Variants in ASAP1 observed in about 807,000 individuals in gnomAD.
The protein encoded by ASAP1 is ArfGAP with SH3 domain, ankyrin repeat and PH domain 1.
A neutral mutation model predicts 145.2 loss-of-function variants in ASAP1; 43 were observed. That is an observed-to-expected ratio of 0.30 (90% CI 0.23 to 0.38). The LOEUF is 0.38. ASAP1 is among the 10% of genes least tolerant of loss of function. The pLI is 1.00. For synonymous variants in ASAP1, 546 were observed against 515.5 expected, an observed-to-expected ratio of 1.06 and a Z score of -0.80; for missense variants, 1,018 against 1,355.3, an observed-to-expected ratio of 0.75 and a Z score of 3.91.
chr8:130,072,822 T>TGTGC (rs2097450657), intron 27 of ASAP1, among the ~76,000 whole-genome samples: 1 of 26,034 alleles, frequency 3.8e-5, no homozygotes, highest in African/African-American at 1.4e-4. Flanking sequence ...TGTGTGTGTG[T>TGTGC]GTGCGCGCGG....
At chr8:130,433,283 C>A (rs1830200388) in intron 1 of ASAP1, among the ~76,000 whole-genome samples, 1 of 152,146 alleles carries the variant, frequency 6.6e-6, no homozygotes, top group South Asian at 2.1e-4. Context: ...TTCCTTAGAC[C>A]TCCCCAAAAA....
intron 1 of ASAP1, among the ~76,000 whole-genome samples, chr8:130,423,013 G>A (rs1419558760): frequency 6.6e-6 from 1 of 152,216 alleles, no homozygotes; most frequent in Non-Finnish European, 1.5e-5. Flanking sequence ...GTCAGGTCTA[G>A]AATCCAAGTC....
intron 21 of ASAP1, 55 bp downstream of exon 21, chr8:130,116,825 T>G (rs199708236): frequency 1.3e-6 from 2 of 1,576,476 alleles, no homozygotes; most frequent in South Asian, 2.2e-5. Context: ...CAAATTACAA[T>G]GTACCATGCA....
At chr8:130,283,574 T>G (rs1586750646) in intron 3 of ASAP1, among the ~76,000 whole-genome samples, 1 of 78,534 alleles carries the variant, frequency 1.3e-5, no homozygotes, top group South Asian at 5.0e-4. Flanking sequence ...AGAACAAGAC[T>G]CCATCACAGA....
intron 1 of ASAP1, among the ~76,000 whole-genome samples, chr8:130,420,827 A>C (rs1187861517): frequency 6.6e-6 from 1 of 151,418 alleles, no homozygotes; most frequent in Non-Finnish European, 1.5e-5. Context: ...CGGGAGGCAG[A>C]GGTTGCAGTG....
chr8:130,273,252 A>G (rs1365131671), intron 3 of ASAP1, among the ~76,000 whole-genome samples: 1 of 152,196 alleles, frequency 6.6e-6, no homozygotes, highest in Non-Finnish European at 1.5e-5. Flanking sequence ...ATCATTTCTT[A>G]TCTTAAATCT....
chr8:130,089,128 G>T (rs2097500249), intron 25 of ASAP1, among the ~76,000 whole-genome samples: 1 of 152,158 alleles, frequency 6.6e-6, no homozygotes, highest in Non-Finnish European at 1.5e-5. Context: ...AAAAGGGTGG[G>T]GAGTGGGGAG....
chr8:130,080,456 T>A (rs1030517222), intron 25 of ASAP1, among the ~76,000 whole-genome samples: 1 of 149,908 alleles, frequency 6.7e-6, no homozygotes, highest in African/African-American at 2.4e-5. Flanking sequence ...AGGCACTTAC[T>A]GACTCGTCAT....
chr8:130,338,047 T>A (rs1463940572), intron 3 of ASAP1, among the ~76,000 whole-genome samples: 2 of 152,188 alleles, frequency 1.3e-5, no homozygotes, highest in Non-Finnish European at 2.9e-5. Flanking sequence ...CTCAGAGTGG[T>A]GAAGTGGCTT....
chr8:130,358,323 G>A lies in ASAP1; in HGVS notation c.60-180C>T, dbSNP rs1406597865. The stretch of plus-strand genomic sequence containing the variant: ...GAGGGAGGGAAGGAGGCGGGCGAAG[G>A]CAGGCGGCGGCGGCGCTGGCGGGGC... On this transcript the variant is annotated intron_variant, in intron 2 of 29. Transcript: ENST00000518721. The surrounding 1 kb of genome is among the most constrained non-coding windows in gnomAD (Gnocchi z 4.1). Among the ~76,000 whole-genome samples the A allele has an allele frequency of 6.7e-6, 1 of 149,420 alleles. No homozygotes were observed. Among genetic ancestry groups the A allele is most frequent in the Non-Finnish European group, 1.5e-5 (1 of 66,936 alleles).
intron 4 of ASAP1, among the ~76,000 whole-genome samples, chr8:130,229,815 T>C (rs1415833706): frequency 1.3e-5 from 2 of 152,076 alleles, no homozygotes; most frequent in Admixed American, 1.3e-4. Context: ...CAGAGGTGGG[T>C]GGATGGCTTG....
At chr8:130,438,744 C>T (rs72726230) in intron 1 of ASAP1, among the ~76,000 whole-genome samples, 10,058 of 152,210 alleles carry the variant, frequency 0.066, 352 homozygotes, top group Middle Eastern at 0.13. Flanking sequence ...CTCCAACTCT[C>T]CACGGAGGCC....
chr8:130,063,459 T>C (rs550967366), intron 27 of ASAP1, among the ~76,000 whole-genome samples: 1 of 152,316 alleles, frequency 6.6e-6, no homozygotes, highest in East Asian at 1.9e-4. Context: ...AATGTGACTG[T>C]TGGCACCAGT....
intron 13 of ASAP1, among the ~76,000 whole-genome samples, chr8:130,147,632 T>G (rs1168915398): frequency 6.6e-6 from 1 of 152,264 alleles, no homozygotes; most frequent in Non-Finnish European, 1.5e-5. Context: ...ACTGTTATTC[T>G]GTTTCACAGA....
chr8:130,252,912 G>GT (rs143012515), intron 3 of ASAP1, among the ~76,000 whole-genome samples: 4,357 of 152,228 alleles, frequency 0.029, 98 homozygotes, highest in Non-Finnish European at 0.042. Context: ...TTTCAGGACA[G>GT]TAAGAACTTA....
In ASAP1 at chr8:130,180,862, C is replaced by G; in HGVS notation, c.549G>C (p.Glu183Asp). 3 of 1,610,550 alleles carry G rather than the reference C, an allele frequency of 1.9e-6. No homozygotes were observed. Among genetic ancestry groups the G allele is most frequent in the Non-Finnish European group, 2.5e-6 (3 of 1,179,062 alleles). Residue 183 changes from glutamate (E) to aspartate (D), a missense_variant, in exon 8 of 30, where the codon GAG becomes GAC. Transcript: ENST00000518721. ...YETKFTKIEKEKREHAKQHGM... is the reference protein window; with the variant it reads ...YETKFTKIEKDKREHAKQHGM... Reference sequence around the variant, plus strand: ...CATGTTGTTTTGCGTGCTCTCTTTTCTCTTTCTCAATTTTTGTACTGTAAT... The same window carrying G: ...CATGTTGTTTTGCGTGCTCTCTTTTGTCTTTCTCAATTTTTGTACTGTAAT...
Position 130,363,637 on chromosome 8 carries a change from A to G in ASAP1, c.60-5494T>C, listed in dbSNP as rs1229720277. Among the ~76,000 whole-genome samples, 3 of 152,312 alleles carry G rather than the reference A, an allele frequency of 2.0e-5. No homozygotes were observed. The South Asian group carries it at 6.2e-4, about 32-fold the overall frequency. On this transcript the variant is annotated intron_variant, in intron 2 of 29. Coordinates refer to ENST00000518721, the MANE Select transcript of ASAP1 (RefSeq NM_018482.4). ...ATATGTAATGTCTGAATTCATTCAT[A>G]TAACAGTCCTGAGATGCAAGTATTA...
At chr8:130,428,542 C>T (rs918328679) in intron 1 of ASAP1, among the ~76,000 whole-genome samples, 7 of 141,978 alleles carry the variant, frequency 4.9e-5, no homozygotes, top group Non-Finnish European at 1.1e-4. Flanking sequence ...CTATCATCAC[C>T]ATCATATAAC....
intron 24 of ASAP1, among the ~76,000 whole-genome samples, chr8:130,098,216 T>C (rs2097522486): frequency 1.3e-5 from 2 of 152,216 alleles, no homozygotes; most frequent in Non-Finnish European, 2.9e-5. Context: ...CCCCATTCTG[T>C]CTGACTCAAG....
Sources: allele counts gnomAD v4.1 joint callset (sites outside exome capture counted in the v4.1 genomes callset), GRCh38; gene constraint gnomAD v4.1.1; non-coding constraint Gnocchi (gnomAD v3.1); transcripts MANE v1.5; gene names NCBI Gene and HGNC (gene_info 2026-07-23, HGNC 2026-07-21).